FYB1: variants seen among roughly 807,000 people sequenced by gnomAD.
FYB1 encodes the protein FYN binding protein 1.
In FYB1, 41 loss-of-function variants were observed where a neutral mutation model predicts 94.1. The observed-to-expected ratio is 0.44, with a 90% CI of 0.34 to 0.57. The LOEUF (loss-of-function observed/expected upper bound fraction) is 0.57. Among genes scored for constraint, FYB1 ranks in the 20% least tolerant of loss-of-function variants. The pLI is 0.02. For synonymous variants in FYB1, 367 were observed against 353.2 expected (o/e 1.04, Z -0.44); for missense variants, 1,050 against 976.8 (o/e 1.07, Z -1.00).
chr5:39,202,649 C>T lies in FYB1; in HGVS notation c.312G>A (p.Glu104=). Reference sequence around the variant, plus strand: ...CAGGTTTCAGAAATCCCACTTTCGCCTCGGGGTCTCTGGTGGTCAAGCTGG... The same window carrying T: ...CAGGTTTCAGAAATCCCACTTTCGCTTCGGGGTCTCTGGTGGTCAAGCTGG... ...TPASLTTRDP[E]AKVGFLKPVG... Residue 104 remains glutamate, a synonymous_variant, in exon 2 of 19, where the codon GAG becomes GAA. Coordinates refer to ENST00000512982, the MANE Select transcript of FYB1 (RefSeq NM_001465.6). 1 of 1,613,796 alleles carries T rather than the reference C, an allele frequency of 6.2e-7. No individual in the cohort carries two copies. Among genetic ancestry groups the T allele is most frequent in the Non-Finnish European group, 8.5e-7 (1 of 1,179,858 alleles).
At chr5:39,112,054 A>G (rs1739122816) in intron 16 of FYB1, among the ~76,000 whole-genome samples, 1 of 151,986 alleles carries the variant, frequency 6.6e-6, no homozygotes, top group South Asian at 2.1e-4. Flanking sequence ...GGATAAGCTC[A>G]TGTCCAACAA....
chr5:39,207,568 C>G lies in FYB1; in HGVS notation c.-27-4581G>C, dbSNP rs539641632. Among the ~76,000 whole-genome samples, 130 of 152,318 alleles carry G rather than the reference C, an allele frequency of 8.5e-4. 1 individual carries two copies. The highest frequency in any genetic ancestry group is 3.4e-3 in the Middle Eastern group (1 of 294). On this transcript the variant is annotated intron_variant, in intron 1 of 18. Transcript: ENST00000512982. Reference sequence around the variant, plus strand: ...TTAAAGGCTGAGATGGCATGAAGGACAGACATCCCATCTTTTCTGTTCCTA... The same window carrying G: ...TTAAAGGCTGAGATGGCATGAAGGAGAGACATCCCATCTTTTCTGTTCCTA...
chr5:39,118,814 G>T, intron 16 of FYB1, 60 bp downstream of exon 16: 2 of 1,098,210 alleles, frequency 1.8e-6, no homozygotes, highest in Non-Finnish European at 2.5e-6. Context: ...AAACTTGTTT[G>T]GTTGTTAAAT....
upstream of FYB1, among the ~76,000 whole-genome samples, chr5:39,220,105 C>T (rs1228541675): frequency 6.6e-6 from 1 of 151,990 alleles, no homozygotes; most frequent in Non-Finnish European, 1.5e-5. Context: ...GATGATAATC[C>T]ATGTGAAAAG....
chr5:39,195,557 C>T (rs900064572), intron 2 of FYB1, among the ~76,000 whole-genome samples: 1 of 152,132 alleles, frequency 6.6e-6, no homozygotes, highest in Admixed American at 6.6e-5. Context: ...GAGGAGGGGG[C>T]CATCAGTCTT....
intron 1 of FYB1, among the ~76,000 whole-genome samples, chr5:39,232,025 T>C (rs1227529073): frequency 6.6e-6 from 1 of 152,028 alleles, no homozygotes; most frequent in Non-Finnish European, 1.5e-5. Flanking sequence ...TTGTATATCA[T>C]CAAACTGTTT....
chr5:39,137,457 G>C (rs890285123), intron 7 of FYB1, 143 bp downstream of exon 7: 1 of 927,582 alleles, frequency 1.1e-6, no homozygotes, highest in Admixed American at 3.4e-5. Context: ...GGACAAAAAA[G>C]TACTGTTATG....
At chr5:39,135,072 G>A in intron 7 of FYB1, 58 bp from the exon 8 acceptor site, 1 of 1,569,112 alleles carries the variant, frequency 6.4e-7, no homozygotes, top group Non-Finnish European at 8.7e-7. Context: ...AAATCTTTAA[G>A]GAATGCAATT....
chr5:39,226,543 C>T (rs889853599), intron 1 of FYB1, among the ~76,000 whole-genome samples: 3 of 152,160 alleles, frequency 2.0e-5, no homozygotes, highest in Non-Finnish European at 4.4e-5. Flanking sequence ...TGTTAATCCA[C>T]CCTTTTTCAA....
intron 2 of FYB1, among the ~76,000 whole-genome samples, chr5:39,190,459 C>T (rs995327774): frequency 1.3e-5 from 2 of 151,982 alleles, no homozygotes; most frequent in Admixed American, 6.6e-5. Context: ...GAGAGCAGGG[C>T]CCCCAGCTGG....
chr5:39,146,607 G>A (rs1742678410), intron 3 of FYB1, among the ~76,000 whole-genome samples: 1 of 152,070 alleles, frequency 6.6e-6, no homozygotes, highest in Admixed American at 6.6e-5. Flanking sequence ...AAGACCACCA[G>A]ATTTAAGCAA....
chr5:39,225,531 C>T (rs1282273092), intron 1 of FYB1, among the ~76,000 whole-genome samples: 1 of 152,170 alleles, frequency 6.6e-6, no homozygotes, highest in Non-Finnish European at 1.5e-5. Context: ...TGGGGTGGAG[C>T]TTTCTGAACC....
intron 1 of FYB1, among the ~76,000 whole-genome samples, chr5:39,268,265 T>C (rs570383305): frequency 6.6e-6 from 1 of 150,834 alleles, no homozygotes; most frequent in Non-Finnish European, 1.5e-5. Flanking sequence ...GAATACAGGG[T>C]TGCCTGGGTT....
At chr5:39,153,644 T>G in intron 2 of FYB1, 40 bp from the exon 3 acceptor site, 1 of 1,549,322 alleles carries the variant, frequency 6.5e-7, no homozygotes, top group Non-Finnish European at 8.7e-7. Flanking sequence ...TTAAGACAAA[T>G]CTTCAAAAAG....
rs778434460 is a variant in FYB1, at chr5:39,134,941, C to T, written c.1589G>A (p.Ser530Asn). The change falls in exon 8 of 19, where the codon AGC (serine) becomes AAC (asparagine). Residue 530 changes from serine to asparagine, a missense_variant. Coordinates refer to ENST00000512982, the MANE Select transcript of FYB1 (RefSeq NM_001465.6). ...TTCAATTTGCTCTCCTTGCTTGAAG[C>T]TCAGTTCATTCTTTCCTCCTTTGAC... is the stretch of plus-strand genomic sequence containing the variant. ...CDVKGGKNEL[S>N]FKQGEQIEII... is the part of the protein sequence containing the mutation. The T allele has an allele frequency of 6.2e-7, 1 of 1,613,906 alleles. No homozygotes were observed. Among genetic ancestry groups the T allele is most frequent in the South Asian group, 1.1e-5 (1 of 91,080 alleles).
intron 3 of FYB1, among the ~76,000 whole-genome samples, chr5:39,149,941 C>T (rs528734288): frequency 6.6e-6 from 1 of 152,136 alleles, no homozygotes; most frequent in African/African-American, 2.4e-5. Flanking sequence ...GAAATGTGTT[C>T]CTATTTCTCT....
chr5:39,139,128 T>A (rs764392448), intron 5 of FYB1, 105 bp downstream of exon 5: 126 of 1,158,606 alleles, frequency 1.1e-4, no homozygotes, highest in Admixed American at 5.3e-4. Context: ...TCATTGCTCA[T>A]AAGGATTTTC....
At chr5:39,126,888 G>A (rs111452589) in intron 11 of FYB1, among the ~76,000 whole-genome samples, 15,001 of 150,622 alleles carry the variant, frequency 0.1, 1,015 homozygotes, top group Non-Finnish European at 0.14. Context: ...GAGAAAACCC[G>A]TCTCTACTAA....
At chr5:39,192,646 C>T (rs113424417) in intron 2 of FYB1, among the ~76,000 whole-genome samples, 8 of 152,222 alleles carry the variant, frequency 5.3e-5, no homozygotes, top group African/African-American at 1.9e-4. Flanking sequence ...CTTCCTTTCA[C>T]ATAACTAAGA....
Sources: gnomAD v4.1 joint callset for allele counts (sites outside exome capture counted in the v4.1 genomes callset) on GRCh38, gnomAD v4.1.1 for gene constraint, MANE v1.5 for transcripts, NCBI Gene and HGNC (gene_info 2026-07-23, HGNC 2026-07-21) for gene names.